The following HHLA1 variants were observed in gnomAD, a reference collection of about 807,000 sequenced individuals.
The protein encoded by HHLA1 is HERV-H LTR-associating protein 1.
Under a neutral mutation model 69.9 loss-of-function variants are expected in HHLA1, and 72 were observed. That is an observed-to-expected ratio of 1.03 (90% CI 0.85 to 1.25). The LOEUF (loss-of-function observed/expected upper bound fraction) is 1.25. Ranked by LOEUF, HHLA1 falls within the 50% of genes most tolerant of loss-of-function variation. HHLA1 has a pLI of 0.00. For synonymous variants in HHLA1, 252 were observed against 233.2 expected (o/e 1.08, Z -0.73); for missense variants, 685 against 642.2 (o/e 1.07, Z -0.72).
At chr8:132,065,084 A>G (rs1201512145) in intron 16 of HHLA1, among the ~76,000 whole-genome samples, 2 of 152,226 alleles carry the variant, frequency 1.3e-5, no homozygotes, top group Non-Finnish European at 2.9e-5. Context: ...GATAATGGCC[A>G]AACTATGGGT....
chr8:132,100,607 C>T (rs1586735169), intron 3 of HHLA1, among the ~76,000 whole-genome samples: 1 of 152,172 alleles, frequency 6.6e-6, no homozygotes. Context: ...GGCATTCATT[C>T]GTTCTTCATT....
intron 3 of HHLA1, among the ~76,000 whole-genome samples, chr8:132,102,511 G>C (rs1563749833): frequency 1.3e-5 from 2 of 152,236 alleles, no homozygotes; most frequent in African/African-American, 2.4e-5. Flanking sequence ...CTAGCCAGCT[G>C]TCTAGCTTGA....
chr8:132,098,316 C>T (rs1474826045), intron 5 of HHLA1, among the ~76,000 whole-genome samples: 1 of 152,188 alleles, frequency 6.6e-6, no homozygotes, highest in Non-Finnish European at 1.5e-5. Context: ...ATCATATTAA[C>T]TTAATCAATG....
intron 10 of HHLA1, among the ~76,000 whole-genome samples, chr8:132,084,577 A>AGTTTGTACTGGG (rs1823826610): frequency 6.6e-6 from 1 of 152,152 alleles, no homozygotes; most frequent in African/African-American, 2.4e-5. Flanking sequence ...ACTACTGTCG[A>AGTTTGTACTGGG]GTTTGTACTG....
In HHLA1 at chr8:132,065,981, A is replaced by C; in HGVS notation, c.1470-13T>G. On this transcript the variant is annotated splice_polypyrimidine_tract_variant and intron_variant, in intron 15 of 16. Transcript: ENST00000414222. The stretch of plus-strand genomic sequence containing the variant: ...TTCAAGACAGTATCTAAAGATTTAA[A>C]TCAGAGCAGGGAGCAATAACTATCC... 1 of 1,206,378 alleles carries C rather than the reference A, an allele frequency of 8.3e-7. No homozygotes were observed. The highest frequency in any genetic ancestry group is 1.1e-6 in the Non-Finnish European group (1 of 898,694). The allele number at this position is 1,206,378 out of a possible 1,614,324, so 74.7% of individuals were successfully genotyped here.
chr8:132,090,818 G>A (rs893509471), intron 7 of HHLA1, among the ~76,000 whole-genome samples: 4 of 149,924 alleles, frequency 2.7e-5, no homozygotes, highest in African/African-American at 9.9e-5. Flanking sequence ...GCGTGCAGTG[G>A]CGCAATCTCG....
At position 132,079,770 on chromosome 8, in the gene HHLA1, T is replaced by C. The variant is rs1484532865; in HGVS notation, c.873A>G (p.Pro291=). The change falls in exon 11 of 17, where the codon CCA becomes CCG. Residue 291 remains proline, a synonymous_variant. Coordinates refer to ENST00000414222, the MANE Select transcript of HHLA1 (RefSeq NM_001145095.3). ...TLNTGRPPEL[P]ARATATWFSA... ...TGAACCATGTGGCTGTGGCCCTGGC[T>C]GGAAGCTCAGGAGGCCTGCCTGTGT... 1.9e-6 allele frequency: 3 copies of C among 1,551,692 alleles called. No individual in the cohort carries two copies. Among genetic ancestry groups the C allele is most frequent in the Non-Finnish European group, 1.7e-6 (2 of 1,146,962 alleles).
At chr8:132,081,587 G>C (rs1265967825) in intron 10 of HHLA1, among the ~76,000 whole-genome samples, 1 of 152,172 alleles carries the variant, frequency 6.6e-6, no homozygotes, top group East Asian at 1.9e-4. Flanking sequence ...GAGGTGGGAA[G>C]GCTTAACTGA....
chr8:132,066,163 T>C (rs1468155807), intron 15 of HHLA1, among the ~76,000 whole-genome samples, 195 bp from the exon 16 acceptor site: 1 of 152,168 alleles, frequency 6.6e-6, no homozygotes, highest in Non-Finnish European at 1.5e-5. Context: ...GTTCAGACTT[T>C]GGGGCCAGCA....
Position 132,065,891 on chromosome 8 carries a change from G to A in HHLA1, c.1547C>T (p.Ser516Leu), listed in dbSNP as rs1313754020. ...ICQRVKRVSH[S>L]HTLKQKCLEN... ...TAGTCAAGCTGTGTACTTACTGTGC[G>A]AGTGGGACACCCTTTTCACCCTCTG... The change falls in exon 16 of 17, where the codon TCG (serine) becomes TTG (leucine). Residue 516 changes from serine to leucine, a missense_variant. Transcript: ENST00000414222. 65 of 1,295,470 alleles carry A rather than the reference G, an allele frequency of 5.0e-5. No homozygotes were observed. Among genetic ancestry groups the A allele is most frequent in the Admixed American group, 6.9e-5 (3 of 43,554 alleles). 80.2% of individuals were successfully genotyped at this position (1,295,470 alleles called of 1,614,324 possible).
chr8:132,074,692 A>G (rs1468017220), intron 14 of HHLA1, among the ~76,000 whole-genome samples: 1 of 152,202 alleles, frequency 6.6e-6, no homozygotes, highest in East Asian at 1.9e-4. Flanking sequence ...AGGTAGATAG[A>G]TAGATGACAG....
At chr8:132,083,697 T>C (rs796310372) in intron 10 of HHLA1, among the ~76,000 whole-genome samples, 3 of 151,994 alleles carry the variant, frequency 2.0e-5, no homozygotes, top group African/African-American at 7.3e-5. Context: ...TTCCAGCACA[T>C]GTAGCAAGCT....
Position 132,087,742 on chromosome 8 carries a change from G to T in HHLA1, c.590-3C>A. 1 of 1,549,874 alleles carries T rather than the reference G, an allele frequency of 6.5e-7. No homozygotes were observed. The highest frequency in any genetic ancestry group is 1.2e-5 in the South Asian group (1 of 84,020). ...CCAGAAGTCAGAAAGATTCCTTCCT[G>T]CAAAAATCACACCAACAGGGTCAGA... On this transcript the variant is annotated splice_region_variant and splice_polypyrimidine_tract_variant and intron_variant, in intron 9 of 16. Transcript: ENST00000414222.
intron 16 of HHLA1, among the ~76,000 whole-genome samples, chr8:132,064,557 T>C (rs982670978): frequency 2.0e-5 from 3 of 151,872 alleles, no homozygotes; most frequent in Non-Finnish European, 4.4e-5. Context: ...TAATGCAGGA[T>C]GAAGGTGATG....
At chr8:132,067,833 T>C (rs1320717992) in intron 15 of HHLA1, among the ~76,000 whole-genome samples, 1 of 152,338 alleles carries the variant, frequency 6.6e-6, no homozygotes. Context: ...ATTTTGTAGA[T>C]GAACAAACTG....
Position 132,077,825 on chromosome 8 carries a change from C to T in HHLA1, c.1072G>A (p.Ala358Thr), listed in dbSNP as rs1281986949. Residue 358 changes from alanine (A) to threonine (T), a missense_variant, in exon 12 of 17, where the codon GCA (alanine) becomes ACA (threonine). Transcript: ENST00000414222. ...WETRSSPPTT[A>T]GTEEAMNTTS... ...GTGTTCATGGCTTCCTCGGTCCCTG[C>T]AGTAGTCGGTGGGGAAGAACGAGTT... The T allele has an allele frequency of 6.4e-7, 1 of 1,551,552 alleles. No homozygotes were observed. Among genetic ancestry groups the T allele is most frequent in the Non-Finnish European group, 8.7e-7 (1 of 1,146,974 alleles).
At chr8:132,085,231 C>T (rs541134784) in intron 10 of HHLA1, among the ~76,000 whole-genome samples, 16 of 152,154 alleles carry the variant, frequency 1.1e-4, no homozygotes, top group South Asian at 8.3e-4. Context: ...CCGTGACCGG[C>T]GCTGGAGTTT....
chr8:132,065,119 A>T (rs1823411822), intron 16 of HHLA1, among the ~76,000 whole-genome samples: 2 of 152,182 alleles, frequency 1.3e-5, no homozygotes, highest in African/African-American at 4.8e-5. Context: ...TGCAGAAGTG[A>T]GAGATAAAAA....
intron 16 of HHLA1, 62 bp from the exon 17 acceptor site, chr8:132,064,100 T>C (rs528465452): frequency 9.2e-7 from 1 of 1,092,704 alleles, no homozygotes; most frequent in African/African-American, 1.6e-5. Context: ...TGTAGAGACA[T>C]AAATTAAACC....
Sources: allele counts gnomAD v4.1 joint callset (sites outside exome capture counted in the v4.1 genomes callset), GRCh38; gene constraint gnomAD v4.1.1; transcripts MANE v1.5; gene names NCBI Gene and HGNC (gene_info 2026-07-23, HGNC 2026-07-21).